PTPRK: variants seen among roughly 807,000 people sequenced by gnomAD.
PTPRK encodes protein tyrosine phosphatase receptor type K.
Under a neutral mutation model 178.0 loss-of-function variants are expected in PTPRK, and 75 were observed. The observed-to-expected ratio is 0.42, with a 90% CI of 0.35 to 0.51. PTPRK has a LOEUF of 0.51. Ranked by LOEUF, PTPRK falls within the 20% of genes least tolerant of loss-of-function variation. The pLI is 0.02. For missense variants in PTPRK, 1,441 were observed against 1,797.8 expected (o/e 0.80, Z 3.59); for synonymous variants, 637 against 620.6 (o/e 1.03, Z -0.39).
intron 3 of PTPRK, among the ~76,000 whole-genome samples, chr6:128,278,189 C>T (rs1821077176): frequency 6.6e-6 from 1 of 151,478 alleles, no homozygotes; most frequent in Non-Finnish European, 1.5e-5. Flanking sequence ...CGGAGTCTCG[C>T]ACTGTAGCCT....
chr6:128,169,847 G>A lies in PTPRK; in HGVS notation c.1162+14585C>T, dbSNP rs190255903. The stretch of plus-strand genomic sequence containing the variant: ...TTATTTTAAGGCCACTATTACAATG[G>A]AGACAAATAATATATATAATTTTAT... On this transcript the variant is annotated intron_variant, in intron 7 of 29. Coordinates refer to ENST00000368226, the MANE Select transcript of PTPRK (RefSeq NM_002844.4). Among the ~76,000 whole-genome samples, 253 of 150,702 alleles carry A rather than the reference G, an allele frequency of 1.7e-3. 1 individual carries two copies. Among genetic ancestry groups the A allele is most frequent in the African/African-American group, 5.8e-3 (240 of 41,084 alleles).
At chr6:128,126,355 G>A (rs563215839) in intron 7 of PTPRK, among the ~76,000 whole-genome samples, 1 of 152,254 alleles carries the variant, frequency 6.6e-6, no homozygotes, top group Admixed American at 6.5e-5. Context: ...GTATTCCACT[G>A]TGTGCATATA....
chr6:128,227,947 A>G (rs1329526777), intron 5 of PTPRK, among the ~76,000 whole-genome samples: 1 of 152,026 alleles, frequency 6.6e-6, no homozygotes, highest in African/African-American at 2.4e-5. Flanking sequence ...GGAGGGGAAC[A>G]TCACACACTG....
chr6:128,202,456 T>C (rs937184660), intron 6 of PTPRK, among the ~76,000 whole-genome samples: 1 of 152,134 alleles, frequency 6.6e-6, no homozygotes. Context: ...GAGTTTTGTA[T>C]ACTCTGGACC....
At chr6:128,228,428 C>T (rs1417778475) in intron 5 of PTPRK, among the ~76,000 whole-genome samples, 12 of 148,120 alleles carry the variant, frequency 8.1e-5, no homozygotes, top group African/African-American at 2.8e-4. Flanking sequence ...AGGTTGATCA[C>T]GAGGACAGGA....
intron 6 of PTPRK, among the ~76,000 whole-genome samples, chr6:128,217,914 G>T (rs556355525): frequency 6.6e-6 from 1 of 152,136 alleles, no homozygotes; most frequent in Admixed American, 6.6e-5. Context: ...AACAGGTTAC[G>T]ATTATTTTCA....
rs375952784 is a variant in PTPRK at position 128,508,879 on chromosome 6, G to A, written c.100+11380C>T. On this transcript the variant is annotated intron_variant, in intron 1 of 29. Coordinates refer to ENST00000368226, the MANE Select transcript of PTPRK (RefSeq NM_002844.4). Reference sequence around the variant, plus strand: ...GGAGAATCGCTTGAACCCAGGAGGCGGAGGTTGCGGTGAGCCAAGATCATG... The same window carrying A: ...GGAGAATCGCTTGAACCCAGGAGGCAGAGGTTGCGGTGAGCCAAGATCATG... Among the ~76,000 whole-genome samples, 205 of 151,868 alleles carry A rather than the reference G, an allele frequency of 1.3e-3. 5 individuals carry two copies. The South Asian group carries it at 0.036, about 27-fold the overall frequency.
At chr6:128,517,320 G>A (rs1479916934) in intron 1 of PTPRK, among the ~76,000 whole-genome samples, 2 of 152,128 alleles carry the variant, frequency 1.3e-5, no homozygotes, top group Non-Finnish European at 2.9e-5. Context: ...CCATTTTACA[G>A]AGGAGAAAGC....
chr6:128,010,992 T>C (rs1778986980), intron 13 of PTPRK, among the ~76,000 whole-genome samples: 2 of 151,234 alleles, frequency 1.3e-5, no homozygotes, highest in African/African-American at 4.8e-5. Context: ...ATGTAGTAAA[T>C]ATGTTAGAGA....
chr6:128,291,559 G>T (rs1206394303), intron 3 of PTPRK, among the ~76,000 whole-genome samples: 1 of 152,036 alleles, frequency 6.6e-6, no homozygotes, highest in African/African-American at 2.4e-5. Context: ...TACTTTCATT[G>T]GTCCATGTTG....
chr6:128,471,667 C>G (rs1850683037), intron 1 of PTPRK, among the ~76,000 whole-genome samples: 1 of 148,306 alleles, frequency 6.7e-6, no homozygotes, highest in Non-Finnish European at 1.5e-5. Flanking sequence ...AGAATGTGGC[C>G]TGGCTGTGAA....
intron 7 of PTPRK, among the ~76,000 whole-genome samples, chr6:128,165,056 A>G (rs1799205926): frequency 6.6e-6 from 1 of 151,276 alleles, no homozygotes. Context: ...ATGAAATTAT[A>G]TCTTCTGTGA....
chr6:128,131,264 C>A (rs1794190161), intron 7 of PTPRK, among the ~76,000 whole-genome samples: 1 of 152,138 alleles, frequency 6.6e-6, no homozygotes, highest in Non-Finnish European at 1.5e-5. Context: ...TGGAAATCTT[C>A]CACATACAAG....
chr6:128,274,988 T>C (rs1163531354), intron 3 of PTPRK, among the ~76,000 whole-genome samples: 1 of 152,044 alleles, frequency 6.6e-6, no homozygotes, highest in Non-Finnish European at 1.5e-5. Flanking sequence ...AAGCAAGTTA[T>C]GCTCCTGTTT....
At chr6:128,007,507 T>A (rs1411023481) in intron 14 of PTPRK, among the ~76,000 whole-genome samples, 1 of 150,928 alleles carries the variant, frequency 6.6e-6, no homozygotes, top group Non-Finnish European at 1.5e-5. Flanking sequence ...AGTTGTCATA[T>A]TACACAATTT....
At chr6:128,318,897 T>C (rs1890542) in intron 3 of PTPRK, among the ~76,000 whole-genome samples, 3,815 of 152,286 alleles carry the variant, frequency 0.025, 75 homozygotes, top group Middle Eastern at 0.065. Context: ...ACAGTACTTA[T>C]TTGTGGCCCA....
intron 1 of PTPRK, among the ~76,000 whole-genome samples, chr6:128,514,227 T>C (rs1306538517): frequency 6.6e-6 from 1 of 152,232 alleles, no homozygotes; most frequent in Admixed American, 6.5e-5. Flanking sequence ...TCCACTTGTT[T>C]CTACATCTAT....
intron 7 of PTPRK, among the ~76,000 whole-genome samples, chr6:128,126,974 G>C (rs62427864): frequency 6.7e-6 from 1 of 150,260 alleles, no homozygotes; most frequent in Non-Finnish European, 1.5e-5. Context: ...TTTTTTTTTG[G>C]TGGATATTAG....
chr6:127,986,392 A>T (rs754246349), intron 21 of PTPRK, among the ~76,000 whole-genome samples: 2 of 152,228 alleles, frequency 1.3e-5, no homozygotes, highest in African/African-American at 2.4e-5. Context: ...TTGTGAAAAT[A>T]TACAGGCAGC....
Sources: allele counts gnomAD v4.1 joint callset (sites outside exome capture counted in the v4.1 genomes callset), GRCh38; gene constraint gnomAD v4.1.1; transcripts MANE v1.5; gene names NCBI Gene and HGNC (gene_info 2026-07-23, HGNC 2026-07-21).